Variants in MTMR2 observed in about 807,000 individuals in gnomAD.
MTMR2 encodes phosphatidylinositol-3,5-bisphosphate 3-phosphatase MTMR2.
A neutral mutation model predicts 86.9 loss-of-function variants in MTMR2; 55 were observed. The ratio of observed to expected loss-of-function variants is 0.63; its 90% CI spans 0.51 to 0.79. The LOEUF (loss-of-function observed/expected upper bound fraction) is 0.79. MTMR2 is among the 30% of genes least tolerant of loss of function. MTMR2 has a pLI of 0.00. For missense variants in MTMR2, 659 were observed against 772.3 expected (o/e 0.85, Z 1.74); for synonymous variants, 241 against 266.8 (o/e 0.90, Z 0.94).
At chr11:95,887,896 T>C (rs1865569792) in intron 2 of MTMR2, 2 of 404,476 alleles carry the variant, frequency 4.9e-6, no homozygotes, top group African/African-American at 2.0e-5. Flanking sequence ...ATCATAAAAA[T>C]CTTTTATACC....
At chr11:95,909,935 C>T (rs1866431980) in intron 1 of MTMR2, among the ~76,000 whole-genome samples, 1 of 152,026 alleles carries the variant, frequency 6.6e-6, no homozygotes, top group Admixed American at 6.6e-5. Flanking sequence ...TTAAGCAAAG[C>T]ACTAGGCCCT....
intron 1 of MTMR2, among the ~76,000 whole-genome samples, chr11:95,913,720 A>T (rs1866594886): frequency 6.6e-6 from 1 of 152,110 alleles, no homozygotes; most frequent in Admixed American, 6.6e-5. Context: ...GTAGATGTTA[A>T]ACAATTATTT....
intron 7 of MTMR2, among the ~76,000 whole-genome samples, chr11:95,854,055 G>A (rs1460757976): frequency 6.6e-6 from 1 of 152,108 alleles, no homozygotes; most frequent in Non-Finnish European, 1.5e-5. Context: ...AAGTAGCAGG[G>A]TGGGGTAGGA....
intron 9 of MTMR2, among the ~76,000 whole-genome samples, chr11:95,848,550 G>A (rs1456202263): frequency 1.3e-5 from 2 of 152,180 alleles, no homozygotes; most frequent in African/African-American, 4.8e-5. Context: ...CTAGAAAGAA[G>A]AACCTTATTT....
chr11:95,854,551 A>C (rs1864140898), intron 7 of MTMR2, among the ~76,000 whole-genome samples: 1 of 151,814 alleles, frequency 6.6e-6, no homozygotes, highest in South Asian at 2.1e-4. Flanking sequence ...CTGCAGCCTC[A>C]ACCTCCAGGG....
intron 1 of MTMR2, chr11:95,923,667 C>A: frequency 2.1e-6 from 3 of 1,423,862 alleles, no homozygotes; most frequent in Non-Finnish European, 2.7e-6. Context: ...GTAGAGGAAT[C>A]GATAAAGAAG....
At chr11:95,900,752 T>C (rs1399062137) in intron 1 of MTMR2, among the ~76,000 whole-genome samples, 1 of 152,222 alleles carries the variant, frequency 6.6e-6, no homozygotes, top group Non-Finnish European at 1.5e-5. Context: ...CTCACATGCA[T>C]AAACTTACAC....
At chr11:95,872,306 G>A (rs1864921175) in intron 2 of MTMR2, among the ~76,000 whole-genome samples, 1 of 152,130 alleles carries the variant, frequency 6.6e-6, no homozygotes. Context: ...TTGAGCAGTG[G>A]TTTGTAGTTC....
At chr11:95,923,334 A>G (rs1867001866) in intron 1 of MTMR2, among the ~76,000 whole-genome samples, 1 of 152,224 alleles carries the variant, frequency 6.6e-6, no homozygotes, top group Non-Finnish European at 1.5e-5. Flanking sequence ...ATTTTTATTT[A>G]CATATTTAAG....
intron 2 of MTMR2, among the ~76,000 whole-genome samples, chr11:95,886,215 A>C (rs1176654368): frequency 6.6e-6 from 1 of 152,206 alleles, no homozygotes; most frequent in Non-Finnish European, 1.5e-5. Context: ...GTATTGGTTC[A>C]TTATGTGGAA....
intron 1 of MTMR2, among the ~76,000 whole-genome samples, chr11:95,911,041 C>T (rs140924471): frequency 6.6e-6 from 1 of 151,926 alleles, no homozygotes; most frequent in African/African-American, 2.4e-5. Flanking sequence ...GTGCCAGAAC[C>T]CTGCATTAAA....
At chr11:95,918,279 CT>C (rs1210438252) in intron 1 of MTMR2, among the ~76,000 whole-genome samples, 1 of 152,196 alleles carries the variant, frequency 6.6e-6, no homozygotes, top group Non-Finnish European at 1.5e-5. Flanking sequence ...GGCTCCACCC[CT>C]AAAATGTTAA....
chr11:95,862,332 G>A lies in MTMR2; in HGVS notation c.297C>T (p.Gly99=), dbSNP rs772347980. The change falls in exon 4 of 15, where the codon GGC becomes GGT. Residue 99 remains glycine (G), a synonymous_variant. Transcript: ENST00000346299. ...TGACAGTCAGAGTTCCTCGTACAGC[G>A]CCAGTGAATGGACATATATAAGTTA... is the stretch of plus-strand genomic sequence containing the variant. The part of the protein sequence containing the change: ...KDVTYICPFT[G]AVRGTLTVTN... 3.0e-5 allele frequency: 49 copies of A among 1,613,826 alleles called. No individual in the cohort carries two copies. The highest frequency in any genetic ancestry group is 1.3e-4 in the South Asian group (12 of 91,072).
chr11:95,848,518 T>C (rs1863890117), intron 9 of MTMR2, among the ~76,000 whole-genome samples: 1 of 152,206 alleles, frequency 6.6e-6, no homozygotes, highest in Non-Finnish European at 1.5e-5. Flanking sequence ...AGAAAATATT[T>C]GGTGTTCAAA....
chr11:95,861,016 T>C (rs1386081276), intron 5 of MTMR2, among the ~76,000 whole-genome samples: 1 of 151,490 alleles, frequency 6.6e-6, no homozygotes. Flanking sequence ...AAAAATTAGC[T>C]GGGCGTGGTG....
chr11:95,849,633 T>C (rs1370753033), intron 9 of MTMR2, 41 bp downstream of exon 9: 1 of 1,589,370 alleles, frequency 6.3e-7, no homozygotes, highest in East Asian at 2.2e-5. Flanking sequence ...ACTCAGCTGA[T>C]TCATGAAACC....
At chr11:95,916,124 T>C (rs527931429) in intron 1 of MTMR2, among the ~76,000 whole-genome samples, 3 of 152,290 alleles carry the variant, frequency 2.0e-5, no homozygotes, top group Non-Finnish European at 2.9e-5. Context: ...AGGGTGTCTC[T>C]GGCATAAGTG....
At chr11:95,873,655 T>C (rs769445902) in intron 2 of MTMR2, among the ~76,000 whole-genome samples, 1 of 149,480 alleles carries the variant, frequency 6.7e-6, no homozygotes, top group Non-Finnish European at 1.5e-5. Context: ...GAATGTTTGC[T>C]CTTGCTTCTC....
At chr11:95,919,019 C>T (rs1173575616) in intron 1 of MTMR2, among the ~76,000 whole-genome samples, 1 of 152,036 alleles carries the variant, frequency 6.6e-6, no homozygotes, top group African/African-American at 2.4e-5. Context: ...TTATTTTTTG[C>T]AGAGACAGTG....
Sources: gnomAD v4.1 joint callset for allele counts (sites outside exome capture counted in the v4.1 genomes callset) on GRCh38, gnomAD v4.1.1 for gene constraint, MANE v1.5 for transcripts, NCBI Gene and HGNC (gene_info 2026-07-23, HGNC 2026-07-21) for gene names.